Variants in RYR2 observed in about 807,000 individuals in gnomAD.
The protein encoded by RYR2 is cardiac muscle ryanodine receptor-calcium release channel.
In RYR2, 227 loss-of-function variants were observed where a neutral mutation model predicts 601.1. That is an observed-to-expected ratio of 0.38 (90% CI 0.34 to 0.42). The LOEUF is 0.42. Ranked by LOEUF, RYR2 falls within the 10% of genes least tolerant of loss-of-function variation. The pLI is 1.00. For missense variants in RYR2, 4,646 were observed against 6,156.5 expected (o/e 0.75, Z 8.21); for synonymous variants, 2,223 against 2,175.1 (o/e 1.02, Z -0.61).
intron 98 of RYR2, 122 bp from the exon 99 acceptor site, chr1:237,806,015 C>T (rs780778545): frequency 5.2e-6 from 4 of 775,558 alleles, no homozygotes; most frequent in Non-Finnish European, 8.1e-6. Context: ...TTTAAGATTC[C>T]ACATGTGAGT....
intron 2 of RYR2, among the ~76,000 whole-genome samples, chr1:237,280,781 G>GTTT (rs35115328): frequency 2.3e-4 from 33 of 143,654 alleles, no homozygotes; most frequent in Non-Finnish European, 3.5e-4. Flanking sequence ...CTTCTTACTG[G>GTTT]TTTTTTTTTT....
intron 33 of RYR2, among the ~76,000 whole-genome samples, chr1:237,594,916 T>TG (rs1559084356): frequency 1.3e-4 from 11 of 85,790 alleles, no homozygotes; most frequent in African/African-American, 3.9e-4. Context: ...TTTTTTTTTT[T>TG]TTTTTTTTTT....
At chr1:237,725,620 G>A (rs1333865435) in intron 74 of RYR2, among the ~76,000 whole-genome samples, 1 of 151,992 alleles carries the variant, frequency 6.6e-6, no homozygotes, top group Non-Finnish European at 1.5e-5. Flanking sequence ...ATTCAGACAG[G>A]GTTACAAGGT....
At chr1:237,603,429 C>T (rs1442476986) in intron 35 of RYR2, among the ~76,000 whole-genome samples, 2 of 152,190 alleles carry the variant, frequency 1.3e-5, no homozygotes, top group African/African-American at 4.8e-5. Context: ...GAGGTGGCCC[C>T]AAGGGGCTCT....
chr1:237,182,015 C>A (rs1678814955), intron 1 of RYR2, among the ~76,000 whole-genome samples: 1 of 152,122 alleles, frequency 6.6e-6, no homozygotes, highest in Non-Finnish European at 1.5e-5. Context: ...TGTGGTCTTA[C>A]ATTTCCTTTT....
At chr1:237,283,602 C>T (rs1448153746) in intron 2 of RYR2, among the ~76,000 whole-genome samples, 2 of 152,134 alleles carry the variant, frequency 1.3e-5, no homozygotes, top group African/African-American at 4.8e-5. Context: ...GGCAGTTTAT[C>T]AGTTCATTTG....
At position 237,614,110 on chromosome 1, in the gene RYR2, A is replaced by G; in HGVS notation, c.4982A>G (p.Tyr1661Cys). 1.2e-6 allele frequency: 2 copies of G among 1,613,996 alleles called. No individual in the cohort carries two copies. The highest frequency in any genetic ancestry group is 1.7e-6 in the Non-Finnish European group (2 of 1,179,886). ...TTTCACTATCACACTCTCCGGCTCT[A>G]CTCAGCCGTCTGTGCTCTTGGGAAC... ...LKFHYHTLRL[Y>C]SAVCALGNHR... Residue 1661 changes from tyrosine to cysteine, a missense_variant, in exon 37 of 105, where the codon TAC (tyrosine) becomes TGC (cysteine). Transcript: ENST00000366574. This position sits in a 1 kb window ranked among gnomAD's most constrained non-coding sequence, Gnocchi z 4.3.
chr1:237,254,547 G>T (rs192407371), intron 1 of RYR2, among the ~76,000 whole-genome samples: 1 of 152,316 alleles, frequency 6.6e-6, no homozygotes, highest in East Asian at 1.9e-4. Flanking sequence ...TGTACAATCT[G>T]AGTCTGGTAT....
chr1:237,096,342 A>G (rs955088836), intron 1 of RYR2, among the ~76,000 whole-genome samples: 1 of 152,132 alleles, frequency 6.6e-6, no homozygotes. Context: ...AGACACTGCT[A>G]TTTCTTCCCT....
chr1:237,492,894 A>AGGGAGGG (rs1397039847), intron 18 of RYR2, 60 bp from the exon 19 acceptor site: 3 of 1,199,396 alleles, frequency 2.5e-6, no homozygotes, highest in Non-Finnish European at 2.2e-6. Flanking sequence ...GAAGGGAGGG[A>AGGGAGGG]GGGAGGGAGG....
At chr1:237,187,469 A>G (rs1679495561) in intron 1 of RYR2, among the ~76,000 whole-genome samples, 2 of 47,108 alleles carry the variant, frequency 4.2e-5, no homozygotes, top group South Asian at 7.3e-4. Context: ...TTTTGAGACA[A>G]GTCTCACTCT....
intron 1 of RYR2, among the ~76,000 whole-genome samples, chr1:237,261,650 C>T (rs1688535446): frequency 6.6e-6 from 1 of 152,194 alleles, no homozygotes; most frequent in Non-Finnish European, 1.5e-5. Context: ...AATCCCAGCA[C>T]TTTGGGAGGC....
Position 237,778,774 on chromosome 1 carries a change from A to G in RYR2, c.11880+4A>G. On this transcript the variant is annotated splice_donor_region_variant and intron_variant, in intron 88 of 104. Transcript: ENST00000366574. ...TATGCAGATGAAGCTGTCGCAGGTA[A>G]ACTAACTAACTGCCTTCCTCTCTCT... 1 of 1,448,242 alleles carries G rather than the reference A, an allele frequency of 6.9e-7. No individual in the cohort carries two copies. Among genetic ancestry groups the G allele is most frequent in the African/African-American group, 1.4e-5 (1 of 71,700 alleles). 89.7% of individuals were successfully genotyped at this position (1,448,242 alleles called of 1,614,324 possible). A position where few individuals can be genotyped will look rare whatever the true frequency, so the allele number is the denominator to read the frequency against.
Position 237,593,335 on chromosome 1 carries a change from A to G in RYR2, c.4276-141A>G, listed in dbSNP as rs79216050. On this transcript the variant is annotated intron_variant, in intron 32 of 104. Coordinates refer to ENST00000366574, the MANE Select transcript of RYR2 (RefSeq NM_001035.3). ...AGTGTTAGTCCTTTGTGCCTACAAT[A>G]TTTTCATTCACCCAAACGGTTTTAA... is the stretch of plus-strand genomic sequence containing the variant. 1.9e-3 allele frequency: 1,305 copies of G among 684,912 alleles called. 25 individuals are homozygous for G. In the East Asian group the frequency reaches 0.036, roughly 19 times the overall value. The allele number at this position is 684,912 out of a possible 1,614,324, so 42.4% of individuals were successfully genotyped here.
chr1:237,552,867 A>G (rs921618162), intron 27 of RYR2, among the ~76,000 whole-genome samples: 1 of 151,972 alleles, frequency 6.6e-6, no homozygotes, highest in Non-Finnish European at 1.5e-5. Flanking sequence ...CTTGGTATAT[A>G]ATTAATATAA....
At chr1:237,781,466 A>C in intron 88 of RYR2, 99 bp from the exon 89 acceptor site, 1 of 646,586 alleles carries the variant, frequency 1.5e-6, no homozygotes, top group Non-Finnish European at 2.8e-6. Context: ...AGTGGTTACT[A>C]TTTATTGCCA....
At chr1:237,467,105 T>C (rs1417265657) in intron 16 of RYR2, among the ~76,000 whole-genome samples, 2 of 148,912 alleles carry the variant, frequency 1.3e-5, no homozygotes, top group African/African-American at 4.9e-5. Flanking sequence ...ATATATATCA[T>C]ATATATAATT....
intron 1 of RYR2, among the ~76,000 whole-genome samples, chr1:237,173,507 T>C (rs189057753): frequency 5.3e-5 from 8 of 152,304 alleles, no homozygotes; most frequent in Non-Finnish European, 1.2e-4. Context: ...TTTGTGATTG[T>C]TAGTAATATT....
rs527682863 is a variant in RYR2, at chr1:237,719,829, A to T, written c.10554+1308A>T. Among the ~76,000 whole-genome samples, 6 of 151,614 alleles carry T rather than the reference A, an allele frequency of 4.0e-5. No individual in the cohort carries two copies. In the South Asian group the frequency reaches 1.0e-3, roughly 26 times the overall value. ...CCACTTATGAAAGTTTTGCCCCATG[A>T]TCAACTCAGCTCCCACCAGGTCCCG... On this transcript the variant is annotated intron_variant, in intron 73 of 104. Coordinates refer to ENST00000366574, the MANE Select transcript of RYR2 (RefSeq NM_001035.3).
Sources: gnomAD v4.1 joint callset for allele counts (sites outside exome capture counted in the v4.1 genomes callset) on GRCh38, gnomAD v4.1.1 for gene constraint, Gnocchi (gnomAD v3.1) non-coding constraint, MANE v1.5 for transcripts, NCBI Gene and HGNC (gene_info 2026-07-23, HGNC 2026-07-21) for gene names.